The following ACOXL variants were observed in gnomAD, a reference collection of about 807,000 sequenced individuals.
The protein encoded by ACOXL is acyl-coenzyme A oxidase-like protein.
ACOXL carries 70 observed loss-of-function variants against 71.9 expected under a neutral mutation model. The observed-to-expected ratio is 0.97, with a 90% CI of 0.80 to 1.19. The LOEUF is 1.19. Among genes scored for constraint, ACOXL ranks in the 50% most tolerant of loss-of-function variants. ACOXL has a pLI of 0.00. For synonymous variants in ACOXL, 253 were observed against 281.6 expected (o/e 0.90, Z 1.02); for missense variants, 703 against 736.3 (o/e 0.95, Z 0.52).
At chr2:110,751,256 G>A (rs1408677353) in intron 1 of ACOXL, among the ~76,000 whole-genome samples, 3 of 147,322 alleles carry the variant, frequency 2.0e-5, no homozygotes, top group African/African-American at 5.1e-5. Flanking sequence ...AGCCGAGATC[G>A]TGCCACTGCA....
At chr2:111,021,097 T>C (rs1361515129) in intron 14 of ACOXL, among the ~76,000 whole-genome samples, 2 of 152,150 alleles carry the variant, frequency 1.3e-5, no homozygotes, top group Admixed American at 1.3e-4. Context: ...TGCAGAACTG[T>C]CACCTGCCAC....
intron 1 of ACOXL, among the ~76,000 whole-genome samples, chr2:110,738,475 G>A (rs1677139823): frequency 6.6e-6 from 1 of 152,168 alleles, no homozygotes; most frequent in Non-Finnish European, 1.5e-5. Context: ...GTTTTTGTGG[G>A]TGTAGAGTTC....
intron 5 of ACOXL, 95 bp downstream of exon 5, chr2:110,794,269 T>A: frequency 1.7e-6 from 2 of 1,202,510 alleles, no homozygotes; most frequent in Non-Finnish European, 2.4e-6. Context: ...ACACCCTCTG[T>A]GTGTGCTCTC....
chr2:110,963,586 TGTGTGTGTGTGTGTG>T, intron 12 of ACOXL: 1 of 1,489,644 alleles, frequency 6.7e-7, no homozygotes. Context: ...TGTGTGTGTG[TGTGTGTGTGTGTGTG>T]TGTTTTTCTC....
At chr2:110,828,706 T>C (rs1689454790) in intron 9 of ACOXL, among the ~76,000 whole-genome samples, 1 of 152,164 alleles carries the variant, frequency 6.6e-6, no homozygotes, top group Admixed American at 6.5e-5. Flanking sequence ...CACAGAGAAA[T>C]TGAGTCATTT....
In ACOXL at chr2:110,805,278, T is replaced by C. The variant is rs766703849; in HGVS notation, c.636T>C (p.Ala212=). ...ENLLDKFGSV[A]PDGQYHSPIR... ...TTTTCCACAGGTTTGGTTCCGTGGC[T>C]CCAGATGGACAGTACCATTCGCCTA... The change falls in exon 9 of 18, where the codon GCT becomes GCC. Residue 212 remains alanine, a synonymous_variant. Coordinates refer to ENST00000439055, the MANE Select transcript of ACOXL (RefSeq NM_001142807.4). 3.1e-6 allele frequency: 5 copies of C among 1,614,194 alleles called. No individual in the cohort carries two copies. In the South Asian group the frequency reaches 5.5e-5, roughly 18 times the overall value.
intron 9 of ACOXL, among the ~76,000 whole-genome samples, chr2:110,836,550 T>G (rs1486027730): frequency 6.6e-6 from 1 of 152,140 alleles, no homozygotes; most frequent in Non-Finnish European, 1.5e-5. Context: ...TGAGTGGTAT[T>G]CTGTGGGTGC....
At chr2:110,941,507 G>A (rs1326533391) in intron 12 of ACOXL, among the ~76,000 whole-genome samples, 2 of 152,148 alleles carry the variant, frequency 1.3e-5, no homozygotes, top group African/African-American at 2.4e-5. Context: ...TTCTGGGGCT[G>A]TTTTTGTTAG....
At position 110,798,707 on chromosome 2, in the gene ACOXL, T is replaced by C. The variant is rs536958224; in HGVS notation, c.443T>C (p.Ile148Thr). 31 of 1,614,100 alleles carry C rather than the reference T, an allele frequency of 1.9e-5. No individual in the cohort carries two copies. In the South Asian group the frequency reaches 2.1e-4, roughly 11 times the overall value. ...NYAAVFAQLI[I>T]DGRSQGPHCF... ...GCAGCTGTCTTTGCCCAGCTCATCA[T>C]AGATGGAAGATCTCAAGGTTTGTTA... The change falls in exon 6 of 18, where the codon ATA becomes ACA. Residue 148 changes from isoleucine (I) to threonine (T), a missense_variant. Physicochemically the swap from Ile to Thr is moderately conservative, Grantham distance 89 (BLOSUM62 -1). Transcript: ENST00000439055.
At chr2:110,990,507 A>C (rs564505015) in intron 13 of ACOXL, among the ~76,000 whole-genome samples, 1 of 151,930 alleles carries the variant, frequency 6.6e-6, no homozygotes, top group Admixed American at 6.6e-5. Flanking sequence ...TATTCTTTTC[A>C]TGTCTCACAG....
intron 16 of ACOXL, among the ~76,000 whole-genome samples, chr2:111,088,474 G>A (rs1466343553): frequency 1.3e-5 from 2 of 152,132 alleles, no homozygotes; most frequent in African/African-American, 4.8e-5. Flanking sequence ...AGATAATGTC[G>A]TTTGCAGGAA....
Position 111,117,888 on chromosome 2 carries a change from TGGCCGA to T in ACOXL, c.*78_*83del. 1 of 1,470,828 alleles carries T rather than the reference TGGCCGA, an allele frequency of 6.8e-7. No homozygotes were observed. The highest frequency in any genetic ancestry group is 1.3e-5 in the South Asian group (1 of 76,082). The allele number at this position is 1,470,828 out of a possible 1,614,324, so 91.1% of individuals were successfully genotyped here. A position where few individuals can be genotyped will look rare whatever the true frequency, so the allele number is the denominator to read the frequency against. On this transcript the variant is annotated 3_prime_UTR_variant, in exon 18 of 18. Transcript: ENST00000439055. ...CTCGCTCCACCGACGCCCAGAGCTGTGGCCGAGGCCGGGGGCTGGCACCCGCTGGGC... is the reference window on the plus strand; with the variant it reads ...CTCGCTCCACCGACGCCCAGAGCTGTGGCCGGGGGCTGGCACCCGCTGGGC...
At chr2:110,771,675 C>T (rs1681951625) in intron 2 of ACOXL, among the ~76,000 whole-genome samples, 1 of 152,138 alleles carries the variant, frequency 6.6e-6, no homozygotes, top group Non-Finnish European at 1.5e-5. Flanking sequence ...AGTGTGCACG[C>T]ACACACACAC....
intron 9 of ACOXL, among the ~76,000 whole-genome samples, chr2:110,831,113 A>G (rs1249598367): frequency 6.6e-6 from 1 of 152,162 alleles, no homozygotes; most frequent in Non-Finnish European, 1.5e-5. Context: ...CTTAATCAAC[A>G]CAGTTCTGGG....
intron 16 of ACOXL, among the ~76,000 whole-genome samples, chr2:111,054,695 A>T (rs887654775): frequency 6.6e-6 from 1 of 152,070 alleles, no homozygotes; most frequent in Non-Finnish European, 1.5e-5. Context: ...GCCAGATGCA[A>T]CCCTTTCTCT....
intron 12 of ACOXL, among the ~76,000 whole-genome samples, chr2:110,975,175 A>G (rs919358720): frequency 6.6e-6 from 1 of 152,148 alleles, no homozygotes; most frequent in African/African-American, 2.4e-5. Flanking sequence ...GGGATTTCAG[A>G]CTCCCGAGGG....
chr2:110,888,285 C>T (rs1185807345), intron 10 of ACOXL, among the ~76,000 whole-genome samples: 3 of 152,158 alleles, frequency 2.0e-5, no homozygotes, highest in African/African-American at 7.2e-5. Flanking sequence ...CTAGGCTTGT[C>T]CTGGGACTTC....
At chr2:111,033,221 C>T (rs999232740) in intron 15 of ACOXL, among the ~76,000 whole-genome samples, 1 of 152,184 alleles carries the variant, frequency 6.6e-6, no homozygotes. Context: ...GCATCAGGGA[C>T]TATGGGTCAT....
chr2:110,975,297 A>AAGTTGAAAGACT (rs1426988848), intron 12 of ACOXL, among the ~76,000 whole-genome samples: 4 of 152,204 alleles, frequency 2.6e-5, no homozygotes, highest in Admixed American at 1.3e-4. Flanking sequence ...TTCAAGACAG[A>AAGTTGAAAGACT]AGTTGAAAGA....
Sources: gnomAD v4.1 joint callset for allele counts (sites outside exome capture counted in the v4.1 genomes callset) on GRCh38, gnomAD v4.1.1 for gene constraint, MANE v1.5 for transcripts, NCBI Gene and HGNC (gene_info 2026-07-23, HGNC 2026-07-21) for gene names.